The following CCDC83 variants were observed in gnomAD, a reference collection of about 807,000 sequenced individuals.
CCDC83 encodes the protein coiled-coil domain-containing protein 83.
A neutral mutation model predicts 50.1 loss-of-function variants in CCDC83; 54 were observed. That is an observed-to-expected ratio of 1.08 (90% CI 0.87 to 1.35). CCDC83 has a LOEUF of 1.35. Ranked by LOEUF, CCDC83 falls within the 40% of genes most tolerant of loss-of-function variation. CCDC83 has a pLI of 0.00. For synonymous variants in CCDC83, 161 were observed against 153.3 expected, an observed-to-expected ratio of 1.05 and a Z score of -0.37; for missense variants, 518 against 473.9, an observed-to-expected ratio of 1.09 and a Z score of -0.86.
intron 4 of CCDC83, among the ~76,000 whole-genome samples, chr11:85,882,980 C>T (rs1254374968): frequency 1.3e-5 from 2 of 152,066 alleles, no homozygotes; most frequent in Non-Finnish European, 2.9e-5. Context: ...TGCAGTGGTG[C>T]GATCTCAGCT....
At chr11:85,896,306 T>C (rs1285592805) in intron 6 of CCDC83, among the ~76,000 whole-genome samples, 1 of 140,330 alleles carries the variant, frequency 7.1e-6, no homozygotes, top group African/African-American at 2.7e-5. Context: ...GGCACTGAGG[T>C]GGAAGGATTG....
At chr11:85,880,405 A>C (rs894881338) in intron 3 of CCDC83, among the ~76,000 whole-genome samples, 4 of 152,038 alleles carry the variant, frequency 2.6e-5, no homozygotes, top group African/African-American at 9.7e-5. Flanking sequence ...CCTTCCAAGT[A>C]GCTGGGACTA....
chr11:85,915,940 A>G (rs567152869), intron 9 of CCDC83, 88 bp from the exon 10 acceptor site: 1 of 893,490 alleles, frequency 1.1e-6, no homozygotes, highest in East Asian at 2.5e-5. Flanking sequence ...AGTTCCATCC[A>G]ATTAAAAATG....
chr11:85,906,636 C>A (rs1341483458), intron 7 of CCDC83, among the ~76,000 whole-genome samples: 1 of 152,100 alleles, frequency 6.6e-6, no homozygotes, highest in Non-Finnish European at 1.5e-5. Context: ...ACCAGCACTT[C>A]GGGAGCCAAA....
intron 1 of CCDC83, among the ~76,000 whole-genome samples, chr11:85,860,995 GGA>G (rs149755891): frequency 0.16 from 24,174 of 151,636 alleles, 2,104 homozygotes; most frequent in Middle Eastern, 0.2. Flanking sequence ...TAAATTGTGG[GGA>G]AAAAAAAAAG....
At chr11:85,855,752 G>A (rs1287486952) in intron 1 of CCDC83, among the ~76,000 whole-genome samples, 168 bp downstream of exon 1, 1 of 152,176 alleles carries the variant, frequency 6.6e-6, no homozygotes, top group Non-Finnish European at 1.5e-5. Context: ...GAGGAAACAG[G>A]TCAGAGGTTC....
intron 7 of CCDC83, among the ~76,000 whole-genome samples, chr11:85,899,401 G>C (rs1179251539): frequency 2.6e-5 from 4 of 152,172 alleles, no homozygotes; most frequent in African/African-American, 9.7e-5. Context: ...CCTTTGGTCT[G>C]TACCACTGAC....
At chr11:85,873,454 G>C (rs955806318) in intron 3 of CCDC83, among the ~76,000 whole-genome samples, 159 bp downstream of exon 3, 5 of 152,118 alleles carry the variant, frequency 3.3e-5, no homozygotes, top group Non-Finnish European at 7.4e-5. Flanking sequence ...ATACATGTGA[G>C]GCAGAAGGAT....
chr11:85,866,723 G>A (rs1485032565), intron 2 of CCDC83, among the ~76,000 whole-genome samples: 2 of 151,898 alleles, frequency 1.3e-5, no homozygotes, highest in African/African-American at 4.8e-5. Flanking sequence ...AAAGAAAACT[G>A]TAGGGTGCTG....
intron 3 of CCDC83, among the ~76,000 whole-genome samples, chr11:85,874,277 T>C (rs1202833513): frequency 2.0e-5 from 3 of 152,244 alleles, no homozygotes; most frequent in Non-Finnish European, 4.4e-5. Flanking sequence ...GCCTGGTGCC[T>C]GAATGCAGGC....
At position 85,882,572 on chromosome 11, in the gene CCDC83, T is replaced by C. The variant is rs201110814; in HGVS notation, c.240T>C (p.Ser80=). ...WHIRHLLKEL[S]EEKAEGLPVV... is the part of the protein sequence containing the mutation. ...TACGGCATCTACTAAAGGAACTGAG[T>C]GAAGAGAAGGCAGAGGGATTGCCAG... The change falls in exon 4 of 11, where the codon AGT becomes AGC. Residue 80 remains serine (S), a synonymous_variant. Transcript: ENST00000342404. 1.5e-5 allele frequency: 24 copies of C among 1,613,586 alleles called. No individual in the cohort carries two copies. The highest frequency in any genetic ancestry group is 8.8e-5 in the South Asian group (8 of 91,052).
rs200674793 is a variant in CCDC83 at position 85,865,163 on chromosome 11, G to A, written c.40G>A (p.Asp14Asn). 1.3e-4 allele frequency: 202 copies of A among 1,613,302 alleles called. No individual in the cohort carries two copies. The highest frequency in any genetic ancestry group is 9.9e-4 in the Middle Eastern group (6 of 6,060). ...GAAAGCAAATAAAAAGGATACACATGACGGGCCACCAAAAGAAATTAAACT... is the reference window on the plus strand; with the variant it reads ...GAAAGCAAATAAAAAGGATACACATAACGGGCCACCAAAAGAAATTAAACT... ...SGKANKKDTH[D>N]GPPKEIKLPT... The change falls in exon 2 of 11, where the codon GAC (aspartate) becomes AAC (asparagine). Residue 14 changes from aspartate to asparagine, a missense_variant. By Grantham distance (23) the Asp-to-Asn change is conservative. Transcript: ENST00000342404.
At chr11:85,864,799 T>C (rs1196984546) in intron 1 of CCDC83, among the ~76,000 whole-genome samples, 1 of 152,178 alleles carries the variant, frequency 6.6e-6, no homozygotes, top group Non-Finnish European at 1.5e-5. Flanking sequence ...AGTTCTTTGC[T>C]CTTAAAAGAC....
At chr11:85,866,789 G>C (rs948191794) in intron 2 of CCDC83, among the ~76,000 whole-genome samples, 11 of 152,174 alleles carry the variant, frequency 7.2e-5, no homozygotes, top group Non-Finnish European at 1.3e-4. Context: ...ACTTGTTTGA[G>C]AAAGCTTTGA....
At position 85,916,171 on chromosome 11, in the gene CCDC83, G is replaced by A. The variant is rs186617636; in HGVS notation, c.1018G>A (p.Gly340Ser). The change falls in exon 10 of 11, where the codon GGC (glycine) becomes AGC (serine). Residue 340 changes from glycine (G) to serine (S), a missense_variant. By Grantham distance (56) the Gly-to-Ser change is moderately conservative. Coordinates refer to ENST00000342404, the MANE Select transcript of CCDC83 (RefSeq NM_001286159.2). Reference sequence around the variant, plus strand: ...GAAGATAGATAAAGAGGAAAACTCAGGCACAGAGTTTGGGGACACTGATAT... The same window carrying A: ...GAAGATAGATAAAGAGGAAAACTCAAGCACAGAGTTTGGGGACACTGATAT... ...YVKIDKEENS[G>S]TEFGDTDMKY... 155 of 1,613,434 alleles carry A rather than the reference G, an allele frequency of 9.6e-5. No individual in the cohort carries two copies. In the East Asian group the frequency reaches 3.4e-3, roughly 36 times the overall value.
rs961807443 is a variant in CCDC83, at chr11:85,873,232, C to T, written c.117C>T (p.Ala39=). 2.1e-5 allele frequency: 32 copies of T among 1,544,660 alleles called. No individual in the cohort carries two copies. Among genetic ancestry groups the T allele is most frequent in the African/African-American group, 2.8e-5 (2 of 72,074 alleles). ...LDYQCQIKED[A]VEQFMFQIKT... The stretch of plus-strand genomic sequence containing the variant: ...TCAGATGTCAAATAAAGGAAGATGC[C>T]GTGGAGCAATTCATGTTTCAAATAA... The change falls in exon 3 of 11, where the codon GCC becomes GCT. Residue 39 remains alanine (A), a synonymous_variant. Transcript: ENST00000342404.
intron 1 of CCDC83, among the ~76,000 whole-genome samples, chr11:85,862,903 A>T (rs966559799): frequency 6.6e-6 from 1 of 152,250 alleles, no homozygotes; most frequent in Non-Finnish European, 1.5e-5. Flanking sequence ...ATCTTAATAG[A>T]GTTTATGTAT....
Position 85,882,522 on chromosome 11 carries a change from T to G in CCDC83, c.190T>G (p.Leu64Val). Residue 64 changes from leucine (L) to valine (V), a missense_variant, in exon 4 of 11, where the codon TTA becomes GTA. By Grantham distance (32) the Leu-to-Val change is conservative. Transcript: ENST00000342404. The stretch of plus-strand genomic sequence containing the variant: ...TTGATTTTCATGACAGAATAGCCGC[T>G]TAAAAGAAGAACAGATTTGGCACAT... ...NQKYHERNSR[L>V]KEEQIWHIRH... 2 of 1,613,580 alleles carry G rather than the reference T, an allele frequency of 1.2e-6. No individual in the cohort carries two copies. Among genetic ancestry groups the G allele is most frequent in the South Asian group, 2.2e-5 (2 of 91,022 alleles).
chr11:85,901,953 C>A (rs150287395), intron 7 of CCDC83, among the ~76,000 whole-genome samples: 248 of 152,060 alleles, frequency 1.6e-3, no homozygotes, highest in African/African-American at 5.6e-3. Flanking sequence ...ATCACTTGAG[C>A]CCAGGAGGTC....
Sources: allele counts gnomAD v4.1 joint callset (sites outside exome capture counted in the v4.1 genomes callset), GRCh38; gene constraint gnomAD v4.1.1; transcripts MANE v1.5; gene names NCBI Gene and HGNC (gene_info 2026-07-23, HGNC 2026-07-21).